The following DCAF10 variants were observed in gnomAD, a reference collection of about 807,000 sequenced individuals.
DCAF10 encodes the protein DDB1- and CUL4-associated factor 10.
In DCAF10, 19 loss-of-function variants were observed where a neutral mutation model predicts 51.9. The observed-to-expected ratio is 0.37, with a 90% confidence interval of 0.26 to 0.54. DCAF10 has a LOEUF of 0.54. DCAF10 is among the 20% of genes least tolerant of loss of function. The pLI, the probability that DCAF10 is intolerant of heterozygous loss-of-function variation, is 0.87. For missense variants in DCAF10, 510 were observed against 730.6 expected (o/e 0.70, Z 3.48); for synonymous variants, 291 against 297.1 (o/e 0.98, Z 0.21).
chr9:37,817,701 G>C (rs916856195), intron 1 of DCAF10, among the ~76,000 whole-genome samples: 1 of 151,706 alleles, frequency 6.6e-6, no homozygotes, highest in Admixed American at 6.6e-5. Flanking sequence ...AGGAATTTGA[G>C]ACCAGCTTGA....
At chr9:37,853,125 C>T (rs1248553001) in intron 3 of DCAF10, among the ~76,000 whole-genome samples, 1 of 141,728 alleles carries the variant, frequency 7.1e-6, no homozygotes, top group Admixed American at 7.3e-5. Context: ...GCACTCTAGC[C>T]TGGGCAACAA....
At chr9:37,821,852 C>G (rs552794492) in intron 2 of DCAF10, among the ~76,000 whole-genome samples, 1 of 151,956 alleles carries the variant, frequency 6.6e-6, no homozygotes, top group Non-Finnish European at 1.5e-5. Context: ...AGAAAATCTT[C>G]GCAATCTATA....
chr9:37,804,363 T>C (rs1336232186), intron 1 of DCAF10, among the ~76,000 whole-genome samples: 1 of 151,912 alleles, frequency 6.6e-6, no homozygotes, highest in African/African-American at 2.4e-5. Context: ...CTGAGAACTT[T>C]CCAGAATTGA....
At chr9:37,809,059 T>C (rs1292070641) in intron 1 of DCAF10, among the ~76,000 whole-genome samples, 2 of 147,132 alleles carry the variant, frequency 1.4e-5, no homozygotes, top group African/African-American at 2.5e-5. Context: ...CACTGCATTC[T>C]AGCCTGGGTG....
chr9:37,823,425 T>C (rs1829762784), intron 2 of DCAF10, among the ~76,000 whole-genome samples: 1 of 152,174 alleles, frequency 6.6e-6, no homozygotes, highest in Non-Finnish European at 1.5e-5. Flanking sequence ...GGTTTCTCAT[T>C]AGCAATAGTT....
Position 37,863,251 on chromosome 9 carries a change from G to T in DCAF10, c.*1743G>T, listed in dbSNP as rs770624379. On this transcript the variant is annotated 3_prime_UTR_variant, in exon 7 of 7. Coordinates refer to ENST00000377724, the MANE Select transcript of DCAF10 (RefSeq NM_024345.5). The stretch of plus-strand genomic sequence containing the variant: ...TGAGGCAAGAGAATCACTTGAACCC[G>T]GGAGGCAGAGGGTGCAGTAAGCCGA... 1 of 149,918 alleles carries T rather than the reference G, an allele frequency of 6.7e-6. No homozygotes were observed. The highest frequency in any genetic ancestry group is 1.5e-5 in the Non-Finnish European group (1 of 67,706). 9.3% of individuals were successfully genotyped at this position (149,918 alleles called of 1,614,324 possible).
At chr9:37,842,386 TG>T in intron 3 of DCAF10, 100 bp downstream of exon 3, 1 of 1,211,270 alleles carries the variant, frequency 8.3e-7, no homozygotes, top group Middle Eastern at 2.9e-4. Flanking sequence ...AGAAGGAAAC[TG>T]GCTTTAGGAA....
chr9:37,806,225 C>G (rs13289186), intron 1 of DCAF10, among the ~76,000 whole-genome samples: 1 of 152,196 alleles, frequency 6.6e-6, no homozygotes, highest in Non-Finnish European at 1.5e-5. Flanking sequence ...ATTGATATGT[C>G]CATAGTGGTT....
intron 1 of DCAF10, among the ~76,000 whole-genome samples, chr9:37,815,175 A>C (rs909028066): frequency 3.9e-5 from 6 of 152,230 alleles, no homozygotes; most frequent in Non-Finnish European, 7.3e-5. Flanking sequence ...CCTTAATCTA[A>C]TAGTAGGAAT....
intron 2 of DCAF10, among the ~76,000 whole-genome samples, chr9:37,820,906 T>G (rs1829681690): frequency 6.6e-6 from 1 of 152,158 alleles, no homozygotes; most frequent in South Asian, 2.1e-4. Flanking sequence ...AAATAAATTA[T>G]GTATTTATTT....
At chr9:37,855,003 C>T in intron 4 of DCAF10, 21 bp downstream of exon 4, 1 of 1,574,404 alleles carries the variant, frequency 6.4e-7, no homozygotes, top group South Asian at 1.2e-5. Flanking sequence ...CTTTTTTGGT[C>T]AAAAAGATTT....
chr9:37,853,860 C>T (rs2118148976), intron 3 of DCAF10, among the ~76,000 whole-genome samples: 1 of 152,130 alleles, frequency 6.6e-6, no homozygotes, highest in African/African-American at 2.4e-5. Context: ...TGAGCCACCA[C>T]CCCTAGCCTA....
Position 37,867,370 on chromosome 9 carries a change from G to GT in DCAF10, c.*5867dup, listed in dbSNP as rs1831157728. 6.6e-6 allele frequency: 1 copy of GT among 151,876 alleles called. No homozygotes were observed. Among genetic ancestry groups the GT allele is most frequent in the South Asian group, 2.1e-4 (1 of 4,816 alleles). The allele number at this position is 151,876 out of a possible 1,614,324, so 9.4% of individuals were successfully genotyped here. A position where few individuals can be genotyped will look rare whatever the true frequency, so the allele number is the denominator to read the frequency against. On this transcript the variant is annotated 3_prime_UTR_variant, in exon 7 of 7. Coordinates refer to ENST00000377724, the MANE Select transcript of DCAF10 (RefSeq NM_024345.5). ...GTTTCTCCCTCATTTAGATTTCATG[G>GT]TTTTTACATAAAGGGTGAATATTTG...
intron 1 of DCAF10, among the ~76,000 whole-genome samples, chr9:37,804,054 C>G (rs1032852528): frequency 2.0e-5 from 3 of 151,282 alleles, no homozygotes; most frequent in African/African-American, 7.3e-5. Context: ...TATGTCAGAC[C>G]CTGTCAAACT....
intron 5 of DCAF10, among the ~76,000 whole-genome samples, chr9:37,858,687 T>A (rs1830924051): frequency 6.6e-6 from 1 of 152,240 alleles, no homozygotes; most frequent in Admixed American, 6.5e-5. Flanking sequence ...CTCTAAATGT[T>A]GGAAATCCTG....
chr9:37,816,659 G>GGGGTGTGTGTGTGTGT (rs372664140), intron 1 of DCAF10, among the ~76,000 whole-genome samples: 580 of 144,964 alleles, frequency 4.0e-3, no homozygotes, highest in Middle Eastern at 0.011. Flanking sequence ...CTGCACCTGG[G>GGGGTGTGTGTGTGTGT]GTGTGTGTGT....
At chr9:37,834,935 C>T (rs1364046443) in intron 2 of DCAF10, among the ~76,000 whole-genome samples, 4 of 151,828 alleles carry the variant, frequency 2.6e-5, no homozygotes, top group Non-Finnish European at 4.4e-5. Context: ...ACTACAGGCT[C>T]GTGCCACACC....
Position 37,865,255 on chromosome 9 carries a change from C to A in DCAF10, c.*3747C>A, listed in dbSNP as rs1006593604. 1 of 151,536 alleles carries A rather than the reference C, an allele frequency of 6.6e-6. No individual in the cohort carries two copies. The highest frequency in any genetic ancestry group is 2.4e-5 in the African/African-American group (1 of 41,206). The allele number at this position is 151,536 out of a possible 1,614,324, so 9.4% of individuals were successfully genotyped here. On this transcript the variant is annotated 3_prime_UTR_variant, in exon 7 of 7. Coordinates refer to ENST00000377724, the MANE Select transcript of DCAF10 (RefSeq NM_024345.5). ...ATAGAAAAGAAAAATTAAGGATAAA[C>A]GGCATTGTGAAAAAAAACCGAGCCA... is the stretch of plus-strand genomic sequence containing the variant.
At chr9:37,822,442 T>TATATATATATATATATATATA in intron 2 of DCAF10, among the ~76,000 whole-genome samples, 1 of 129,176 alleles carries the variant, frequency 7.7e-6, no homozygotes, top group East Asian at 2.3e-4. Flanking sequence ...TATATATATA[T>TATATATATATATATATATATA]GATGGAATAT....
Sources: allele counts gnomAD v4.1 joint callset (sites outside exome capture counted in the v4.1 genomes callset), GRCh38; gene constraint gnomAD v4.1.1; transcripts MANE v1.5; gene names NCBI Gene and HGNC (gene_info 2026-07-23, HGNC 2026-07-21).